The following STUM variants were observed in gnomAD, a reference collection of about 807,000 sequenced individuals.
STUM encodes the protein stum, mechanosensory transduction mediator homolog.
Under a neutral mutation model 15.3 loss-of-function variants are expected in STUM, and 8 were observed. The ratio of observed to expected loss-of-function variants is 0.52; its 90% CI spans 0.31 to 0.94. The LOEUF is 0.94. Among genes scored for constraint, STUM ranks in the 40% least tolerant of loss-of-function variants. The pLI, the probability that STUM is intolerant of heterozygous loss-of-function variation, is 0.05. For synonymous variants in STUM, 78 were observed against 88.7 expected (o/e 0.88, Z 0.68); for missense variants, 142 against 204.9 (o/e 0.69, Z 1.87).
intron 1 of STUM, among the ~76,000 whole-genome samples, chr1:226,573,405 G>A (rs1459589801): frequency 2.6e-5 from 4 of 152,160 alleles, no homozygotes; most frequent in Non-Finnish European, 5.9e-5. Context: ...AACAGAAGAT[G>A]GGATTTATTG....
chr1:226,586,797 C>A (rs957457152), intron 1 of STUM, among the ~76,000 whole-genome samples: 5 of 152,148 alleles, frequency 3.3e-5, no homozygotes, highest in African/African-American at 1.2e-4. Context: ...CTGCCCTCAC[C>A]CATCTTTCCA....
chr1:226,558,995 G>T (rs1012556725), intron 1 of STUM, among the ~76,000 whole-genome samples: 1 of 152,176 alleles, frequency 6.6e-6, no homozygotes, highest in Admixed American at 6.5e-5. Flanking sequence ...GGAGGCAATG[G>T]GAAGGAGACC....
chr1:226,562,340 A>G (rs570542844), intron 1 of STUM, among the ~76,000 whole-genome samples: 1 of 151,996 alleles, frequency 6.6e-6, no homozygotes, highest in Non-Finnish European at 1.5e-5. Context: ...GTGGTGGTGC[A>G]TGCCTGTAGT....
intron 1 of STUM, among the ~76,000 whole-genome samples, chr1:226,571,968 C>T (rs897479159): frequency 1.3e-5 from 2 of 152,196 alleles, no homozygotes; most frequent in Admixed American, 6.5e-5. Flanking sequence ...TCTCCTACTT[C>T]GCACTTCTGA....
In STUM at chr1:226,565,336, G is replaced by T. The variant is rs1171912517; in HGVS notation, c.202+16230G>T. 2.0e-5 allele frequency among the ~76,000 whole-genome samples: 3 copies of T among 152,064 alleles called. No homozygotes were observed. Among genetic ancestry groups the T allele is most frequent in the Admixed American group, 1.3e-4 (2 of 15,266 alleles). On this transcript the variant is annotated intron_variant, in intron 1 of 3. Transcript: ENST00000366788. The surrounding 1 kb of genome is among the most constrained non-coding windows in gnomAD (Gnocchi z 4.4). ...ATAGTTCCTTCATGAAGACCCTGGG[G>T]GTGGGAGCCTTTGCTTCCTGCTGGG...
In STUM at chr1:226,607,017, A is replaced by G. The variant is rs1473082917; in HGVS notation, c.*4977A>G. 6.6e-6 allele frequency: 1 copy of G among 152,136 alleles called. No homozygotes were observed. The highest frequency in any genetic ancestry group is 1.5e-5 in the Non-Finnish European group (1 of 68,114). 9.4% of individuals were successfully genotyped at this position (152,136 alleles called of 1,614,324 possible). A position where few individuals can be genotyped will look rare whatever the true frequency, so the allele number is the denominator to read the frequency against. ...TGAGCAGAGGCAGGCGTGGGGACAC[A>G]CTCTTCAAGGACTGCACTGCCCCTT... On this transcript the variant is annotated 3_prime_UTR_variant, in exon 4 of 4. Transcript: ENST00000366788.
At chr1:226,586,329 C>T (rs945956924) in intron 1 of STUM, among the ~76,000 whole-genome samples, 1 of 152,154 alleles carries the variant, frequency 6.6e-6, no homozygotes, top group African/African-American at 2.4e-5. Context: ...ACACACTGGG[C>T]TGCCGAACGC....
chr1:226,597,922 C>T (rs1571814284), intron 2 of STUM, among the ~76,000 whole-genome samples: 1 of 152,336 alleles, frequency 6.6e-6, no homozygotes, highest in African/African-American at 2.4e-5. Flanking sequence ...GCAGGGGAAC[C>T]CCAGGCTGGA....
intron 1 of STUM, among the ~76,000 whole-genome samples, chr1:226,550,748 C>T (rs1337971104): frequency 6.6e-6 from 1 of 152,132 alleles, no homozygotes; most frequent in Non-Finnish European, 1.5e-5. Context: ...CAGCAGCTGC[C>T]CACGCATGTA....
chr1:226,584,464 A>C (rs1421907002), intron 1 of STUM, among the ~76,000 whole-genome samples: 1 of 152,232 alleles, frequency 6.6e-6, no homozygotes. Flanking sequence ...TCTCTTGATG[A>C]AAGAGTGTCA....
In STUM at chr1:226,601,195, C is replaced by T. The variant is rs1033251822; in HGVS notation, c.391+521C>T. On this transcript the variant is annotated intron_variant, in intron 3 of 3. Coordinates refer to ENST00000366788, the MANE Select transcript of STUM (RefSeq NM_001003665.4). ...AGGCTGGAGTGCAGTGGCGCAATCT[C>T]GGCTCACTGCAACCTCCGCCTCCTG... Among the ~76,000 whole-genome samples the T allele has an allele frequency of 5.3e-5, 8 of 151,976 alleles. No homozygotes were observed. In the East Asian group the frequency reaches 1.2e-3, roughly 22 times the overall value.
rs532436608 is a variant in STUM, at chr1:226,600,944, C to G, written c.391+270C>G. 6.6e-6 allele frequency among the ~76,000 whole-genome samples: 1 copy of G among 152,336 alleles called. No homozygotes were observed. Among genetic ancestry groups the G allele is most frequent in the East Asian group, 1.9e-4 (1 of 5,186 alleles). On this transcript the variant is annotated intron_variant, in intron 3 of 3. Coordinates refer to ENST00000366788, the MANE Select transcript of STUM (RefSeq NM_001003665.4). The surrounding 1 kb of genome is among the most constrained non-coding windows in gnomAD (Gnocchi z 5.2). ...TCCTCTGTCATTCGCCACATCTCCC[C>G]TACCCCAGCATGGGTTATTAGCACC...
intron 1 of STUM, among the ~76,000 whole-genome samples, chr1:226,557,942 A>G (rs1044323330): frequency 6.6e-6 from 1 of 152,254 alleles, no homozygotes; most frequent in Non-Finnish European, 1.5e-5. Context: ...ACATCCTTTC[A>G]TGATAAAAAA....
At chr1:226,590,463 C>T (rs528865497) in intron 1 of STUM, among the ~76,000 whole-genome samples, 6 of 152,126 alleles carry the variant, frequency 3.9e-5, no homozygotes, top group Non-Finnish European at 7.4e-5. Flanking sequence ...CCTCCCCTAG[C>T]CACTCTGATT....
intron 1 of STUM, among the ~76,000 whole-genome samples, chr1:226,573,493 G>T (rs371798791): frequency 6.6e-6 from 1 of 152,084 alleles, no homozygotes; most frequent in Non-Finnish European, 1.5e-5. Context: ...TGTCCTCAAG[G>T]CTCTGGTTTT....
rs1406976295 is a variant in STUM at position 226,608,683 on chromosome 1, C to A, written c.*6643C>A. ...CCTGACCTGCTGGGAGCCCACCCCA[C>A]CCCAGTCCAGCCATGAGGGTATTTC... On this transcript the variant is annotated 3_prime_UTR_variant, in exon 4 of 4. Transcript: ENST00000366788. The surrounding 1 kb of genome is among the most constrained non-coding windows in gnomAD (Gnocchi z 4.0). 6.6e-6 allele frequency: 1 copy of A among 152,266 alleles called. No homozygotes were observed. Among genetic ancestry groups the A allele is most frequent in the Non-Finnish European group, 1.5e-5 (1 of 68,086 alleles). 9.4% of individuals were successfully genotyped at this position (152,266 alleles called of 1,614,324 possible).
In STUM at chr1:226,600,943, C is replaced by T. The variant is rs1200803357; in HGVS notation, c.391+269C>T. Reference sequence around the variant, plus strand: ...TTCCTCTGTCATTCGCCACATCTCCCCTACCCCAGCATGGGTTATTAGCAC... The same window carrying T: ...TTCCTCTGTCATTCGCCACATCTCCTCTACCCCAGCATGGGTTATTAGCAC... On this transcript the variant is annotated intron_variant, in intron 3 of 3. Transcript: ENST00000366788. This position sits in a 1 kb window ranked among gnomAD's most constrained non-coding sequence, Gnocchi z 5.2. 1.3e-5 allele frequency among the ~76,000 whole-genome samples: 2 copies of T among 152,178 alleles called. No individual in the cohort carries two copies. Among genetic ancestry groups the T allele is most frequent in the African/African-American group, 4.8e-5 (2 of 41,442 alleles).
intron 1 of STUM, among the ~76,000 whole-genome samples, chr1:226,573,273 C>G (rs1365720244): frequency 6.6e-6 from 1 of 152,188 alleles, no homozygotes; most frequent in African/African-American, 2.4e-5. Flanking sequence ...TTAGTAGTAC[C>G]TACTTCACAG....
At chr1:226,593,257 C>T (rs980596445) in intron 1 of STUM, among the ~76,000 whole-genome samples, 1 of 151,962 alleles carries the variant, frequency 6.6e-6, no homozygotes, top group Non-Finnish European at 1.5e-5. Context: ...TTGCATTGCT[C>T]TCCTGCTCAG....
Sources: gnomAD v4.1 joint callset for allele counts (sites outside exome capture counted in the v4.1 genomes callset) on GRCh38, gnomAD v4.1.1 for gene constraint, Gnocchi (gnomAD v3.1) non-coding constraint, MANE v1.5 for transcripts, NCBI Gene and HGNC (gene_info 2026-07-23, HGNC 2026-07-21) for gene names.